The following NTM variants were observed in gnomAD, a reference collection of about 807,000 sequenced individuals.
NTM encodes the protein neurotrimin.
NTM carries 13 observed loss-of-function variants against 42.1 expected under a neutral mutation model. The observed-to-expected ratio is 0.31, with a 90% confidence interval of 0.20 to 0.49. The LOEUF is 0.49. Among genes scored for constraint, NTM ranks in the 20% least tolerant of loss-of-function variants. NTM has a pLI of 0.99. For synonymous variants in NTM, 187 were observed against 179.2 expected (o/e 1.04, Z -0.35); for missense variants, 373 against 452.8 (o/e 0.82, Z 1.60).
At chr11:131,714,794 T>C (rs1190695843) in intron 1 of NTM, among the ~76,000 whole-genome samples, 2 of 152,172 alleles carry the variant, frequency 1.3e-5, no homozygotes, top group Non-Finnish European at 2.9e-5. Context: ...CCATGCGGCA[T>C]TTGACACCAC....
chr11:132,217,175 C>T (rs2084020627), intron 4 of NTM, among the ~76,000 whole-genome samples: 1 of 152,090 alleles, frequency 6.6e-6, no homozygotes, highest in South Asian at 2.1e-4. Flanking sequence ...TGACTCCCAA[C>T]CACTATTTCC....
chr11:131,405,105 A>G (rs1302944973), intron 1 of NTM, among the ~76,000 whole-genome samples: 1 of 152,188 alleles, frequency 6.6e-6, no homozygotes, highest in East Asian at 1.9e-4. Context: ...GTTACGCTTC[A>G]ACCTAAGGCA....
chr11:131,654,432 C>T (rs1364940750), intron 1 of NTM, among the ~76,000 whole-genome samples: 1 of 151,830 alleles, frequency 6.6e-6, no homozygotes, highest in African/African-American at 2.4e-5. Context: ...CGTCCAGTCC[C>T]GACAGGTTTT....
At chr11:131,866,485 C>T (rs1354854948) in intron 1 of NTM, among the ~76,000 whole-genome samples, 1 of 152,244 alleles carries the variant, frequency 6.6e-6, no homozygotes, top group Admixed American at 6.5e-5. Flanking sequence ...CCAGGTTGGC[C>T]ATGCCTTCAG....
chr11:131,932,757 G>A (rs873891), intron 2 of NTM, among the ~76,000 whole-genome samples: 2,449 of 152,304 alleles, frequency 0.016, 63 homozygotes, highest in African/African-American at 0.054. Context: ...GGACTTTCCA[G>A]ATGCTGCTGA....
intron 1 of NTM, among the ~76,000 whole-genome samples, chr11:131,692,927 G>T (rs1011553226): frequency 1.2e-4 from 19 of 152,210 alleles, no homozygotes; most frequent in African/African-American, 4.6e-4. Context: ...GAAATCGCAC[G>T]GCAGGTCATT....
At chr11:132,313,903 C>CTAATCCTTCCA (rs1206823141) in intron 6 of NTM, among the ~76,000 whole-genome samples, 1 of 152,156 alleles carries the variant, frequency 6.6e-6, no homozygotes, top group African/African-American at 2.4e-5. Context: ...TTGGGAACCT[C>CTAATCCTTCCA]TAATCCTTCC....
rs1420240503 is a variant in NTM, at chr11:131,874,033, A to AT, written c.83-37530dup. 9.7e-3 allele frequency among the ~76,000 whole-genome samples: 144 copies of AT among 14,896 alleles called. 1 individual carries two copies. Among genetic ancestry groups the AT allele is most frequent in the African/African-American group, 0.077 (138 of 1,788 alleles). The allele number at this position is 14,896 out of a possible 152,430, so 9.8% of individuals were successfully genotyped here. A position where few individuals can be genotyped will look rare whatever the true frequency, so the allele number is the denominator to read the frequency against. On this transcript the variant is annotated intron_variant, in intron 1 of 8. Coordinates refer to ENST00000683400, the MANE Select transcript of NTM (RefSeq NM_001352005.2). ...ATATATTTATATAATATAATATAAT[A>AT]TATATATATATATATATATATATAT...
chr11:131,495,708 A>G (rs1955269764), intron 1 of NTM, among the ~76,000 whole-genome samples: 1 of 152,220 alleles, frequency 6.6e-6, no homozygotes, highest in South Asian at 2.1e-4. Flanking sequence ...GGCCCAGGGC[A>G]AACATTCAAG....
chr11:131,393,694 C>T (rs34982166), intron 1 of NTM, among the ~76,000 whole-genome samples: 4,928 of 152,324 alleles, frequency 0.032, 96 homozygotes, highest in Middle Eastern at 0.054. Context: ...TCTCTCTCTC[C>T]GCCCCTCCTT....
chr11:131,634,022 A>G (rs1216729715), intron 1 of NTM, among the ~76,000 whole-genome samples: 1 of 152,100 alleles, frequency 6.6e-6, no homozygotes, highest in African/African-American at 2.4e-5. Flanking sequence ...GCCCAACTCT[A>G]TCTCTTCAAG....
intron 1 of NTM, among the ~76,000 whole-genome samples, chr11:131,869,382 C>T (rs780262394): frequency 1.3e-5 from 2 of 152,200 alleles, no homozygotes; most frequent in East Asian, 1.9e-4. Flanking sequence ...TTCTACCTTT[C>T]GTAGCTTGAA....
intron 1 of NTM, among the ~76,000 whole-genome samples, chr11:131,633,273 C>T (rs144754893): frequency 2.3e-4 from 35 of 152,244 alleles, no homozygotes; most frequent in African/African-American, 7.7e-4. Flanking sequence ...AAACCTCTGT[C>T]GATGATTTTC....
chr11:132,271,524 T>C (rs2093476341), intron 4 of NTM, among the ~76,000 whole-genome samples: 1 of 151,586 alleles, frequency 6.6e-6, no homozygotes, highest in Non-Finnish European at 1.5e-5. Context: ...AGCATATGAC[T>C]CTTCCAATAT....
intron 3 of NTM, among the ~76,000 whole-genome samples, chr11:132,173,263 C>T (rs1033429179): frequency 6.6e-6 from 1 of 152,188 alleles, no homozygotes; most frequent in African/African-American, 2.4e-5. Flanking sequence ...CTAATTTTAA[C>T]TTCAAGAGAA....
At chr11:131,782,602 C>T (rs1239447923) in intron 1 of NTM, among the ~76,000 whole-genome samples, 1 of 151,960 alleles carries the variant, frequency 6.6e-6, no homozygotes, top group African/African-American at 2.4e-5. Flanking sequence ...CAGTCCTTGA[C>T]AATGTATTAC....
chr11:132,309,666 A>G (rs947630999), intron 5 of NTM, among the ~76,000 whole-genome samples: 1 of 152,244 alleles, frequency 6.6e-6, no homozygotes, highest in African/African-American at 2.4e-5. Flanking sequence ...AAAGGTTTTT[A>G]TTCTCTGGTA....
intron 1 of NTM, among the ~76,000 whole-genome samples, chr11:131,547,818 A>G (rs1208155792): frequency 1.3e-5 from 2 of 152,166 alleles, no homozygotes; most frequent in East Asian, 1.9e-4. Context: ...CTGCACATCA[A>G]TCTTATCTCC....
chr11:132,220,593 T>C (rs1187849291), intron 4 of NTM, among the ~76,000 whole-genome samples: 1 of 151,766 alleles, frequency 6.6e-6, no homozygotes, highest in Non-Finnish European at 1.5e-5. Context: ...AGGGCAGGAG[T>C]GCATACCACA....
Sources: gnomAD v4.1 joint callset for allele counts (sites outside exome capture counted in the v4.1 genomes callset) on GRCh38, gnomAD v4.1.1 for gene constraint, MANE v1.5 for transcripts, NCBI Gene and HGNC (gene_info 2026-07-23, HGNC 2026-07-21) for gene names.